Variants in SGIP1 observed in about 807,000 individuals in gnomAD.
The protein encoded by SGIP1 is SH3-containing GRB2-like protein 3-interacting protein 1.
SGIP1 carries 38 observed loss-of-function variants against 107.5 expected under a neutral mutation model. The ratio of observed to expected loss-of-function variants is 0.35; its 90% CI spans 0.27 to 0.46. The LOEUF (loss-of-function observed/expected upper bound fraction) is 0.46. Ranked by LOEUF, SGIP1 falls within the 20% of genes least tolerant of loss-of-function variation. The pLI, the probability that SGIP1 is intolerant of heterozygous loss-of-function variation, is 1.00. For missense variants in SGIP1, 929 were observed against 1,019.5 expected, an observed-to-expected ratio of 0.91 and a Z score of 1.21; for synonymous variants, 365 against 366.1, an observed-to-expected ratio of 1.00 and a Z score of 0.03.
In SGIP1 at chr1:66,589,194, A is replaced by ATGTG. The variant is rs1227066875; in HGVS notation, c.11-36652_11-36651insGTGT. 2.7e-4 allele frequency among the ~76,000 whole-genome samples: 18 copies of ATGTG among 66,464 alleles called. 1 individual carries two copies. The highest frequency in any genetic ancestry group is 9.4e-4 in the African/African-American group (18 of 19,222). The allele number at this position is 66,464 out of a possible 152,430, so 43.6% of individuals were successfully genotyped here. ...TATATATATATATATATATATATATATATATATATATATATATATATATGT... is the reference window on the plus strand; with the variant it reads ...TATATATATATATATATATATATATATGTGTATATATATATATATATATATATGT... On this transcript the variant is annotated intron_variant, in intron 1 of 24. Transcript: ENST00000371037.
At chr1:66,700,097 G>A (rs766546803) in intron 18 of SGIP1, among the ~76,000 whole-genome samples, 4 of 152,226 alleles carry the variant, frequency 2.6e-5, no homozygotes, top group South Asian at 4.2e-4. Context: ...GTGGTGGAGC[G>A]CAGTGGCTCA....
At chr1:66,727,397 C>T (rs1435550582) in intron 19 of SGIP1, among the ~76,000 whole-genome samples, 14 of 152,214 alleles carry the variant, frequency 9.2e-5, no homozygotes, top group Non-Finnish European at 7.3e-5. Flanking sequence ...ATGATCAGTT[C>T]TACCAAGTGT....
intron 1 of SGIP1, among the ~76,000 whole-genome samples, chr1:66,609,562 T>G (rs886664561): frequency 2.0e-5 from 3 of 152,182 alleles, no homozygotes; most frequent in Non-Finnish European, 4.4e-5. Flanking sequence ...AGTAAGGAGT[T>G]CTGTGTTCTG....
chr1:66,620,442 C>T (rs1570716581), intron 1 of SGIP1, among the ~76,000 whole-genome samples: 1 of 152,118 alleles, frequency 6.6e-6, no homozygotes, highest in African/African-American at 2.4e-5. Flanking sequence ...TTAATTGACT[C>T]ACAGTTCCAC....
intron 19 of SGIP1, among the ~76,000 whole-genome samples, chr1:66,727,973 T>C (rs2093834527): frequency 6.6e-6 from 1 of 152,304 alleles, no homozygotes; most frequent in South Asian, 2.1e-4. Context: ...TTACATCATA[T>C]AATCTCATGG....
chr1:66,651,456 A>G (rs988626312), intron 7 of SGIP1, among the ~76,000 whole-genome samples: 3 of 152,190 alleles, frequency 2.0e-5, no homozygotes, highest in African/African-American at 7.2e-5. Context: ...CCACTATATT[A>G]CACTAGTTTT....
chr1:66,684,087 TTA>T, intron 15 of SGIP1: 1 of 1,550,344 alleles, frequency 6.5e-7, no homozygotes, highest in Non-Finnish European at 8.7e-7. Flanking sequence ...GTAGATACTG[TTA>T]TCTTTCCCTT....
In SGIP1 at chr1:66,729,249, G is replaced by A. The variant is rs1572341900; in HGVS notation, c.1743-15G>A. ...GATTTTCTCTCTCTTTCCTCTCTGT[G>A]TTTTGATATGCCAGATGTATCGTTA... On this transcript the variant is annotated splice_polypyrimidine_tract_variant and intron_variant, in intron 19 of 24. Coordinates refer to ENST00000371037, the MANE Select transcript of SGIP1 (RefSeq NM_032291.4). The A allele has an allele frequency of 6.2e-7, 1 of 1,613,510 alleles. No individual in the cohort carries two copies. The highest frequency in any genetic ancestry group is 2.2e-5 in the East Asian group (1 of 44,874).
At chr1:66,684,253 T>A (rs2087636267) in intron 15 of SGIP1, 1 of 1,547,524 alleles carries the variant, frequency 6.5e-7, no homozygotes, top group Non-Finnish European at 8.7e-7. Flanking sequence ...TAAGGTTTGG[T>A]CATAAATATT....
At chr1:66,579,724 C>G (rs530053913) in intron 1 of SGIP1, among the ~76,000 whole-genome samples, 1 of 152,126 alleles carries the variant, frequency 6.6e-6, no homozygotes, top group Non-Finnish European at 1.5e-5. Flanking sequence ...ATCACCTTTC[C>G]TAACTTTATA....
chr1:66,736,762 T>C (rs1046886829), intron 21 of SGIP1, among the ~76,000 whole-genome samples: 1 of 151,766 alleles, frequency 6.6e-6, no homozygotes, highest in Non-Finnish European at 1.5e-5. Context: ...TTTAATTGGT[T>C]TAGAATGCCA....
At chr1:66,636,388 T>C (rs971525980) in intron 4 of SGIP1, among the ~76,000 whole-genome samples, 1 of 152,226 alleles carries the variant, frequency 6.6e-6, no homozygotes, top group African/African-American at 2.4e-5. Context: ...ACTGTCTCAA[T>C]AACATCAGGA....
Position 66,739,638 on chromosome 1 carries a change from C to T in SGIP1, c.2234+101C>T, listed in dbSNP as rs1048851937. ...TCCTGTAGGAGGAGATGACAGCAGG[C>T]CTGTGCATTAGGGTTCAGGGCAGGA... On this transcript the variant is annotated intron_variant, in intron 22 of 24. Coordinates refer to ENST00000371037, the MANE Select transcript of SGIP1 (RefSeq NM_032291.4). 1.0e-5 allele frequency: 13 copies of T among 1,249,894 alleles called. No homozygotes were observed. The African/African-American group carries it at 1.6e-4, about 16-fold the overall frequency. 77.4% of individuals were successfully genotyped at this position (1,249,894 alleles called of 1,614,324 possible).
At chr1:66,598,034 TCTC>T (rs1164561903) in intron 1 of SGIP1, among the ~76,000 whole-genome samples, 1 of 152,000 alleles carries the variant, frequency 6.6e-6, no homozygotes, top group African/African-American at 2.4e-5. Flanking sequence ...AAAAATGAGT[TCTC>T]CTGGGCAAGT....
At chr1:66,638,008 A>T (rs1242719641) in intron 4 of SGIP1, among the ~76,000 whole-genome samples, 1 of 151,870 alleles carries the variant, frequency 6.6e-6, no homozygotes, top group African/African-American at 2.4e-5. Flanking sequence ...AATTTATCTA[A>T]TCTGTGGTTT....
chr1:66,699,655 C>A (rs980055599), intron 18 of SGIP1, among the ~76,000 whole-genome samples: 1 of 152,172 alleles, frequency 6.6e-6, no homozygotes, highest in Non-Finnish European at 1.5e-5. Context: ...AAGCAATATT[C>A]TTTCATTCAA....
Position 66,679,751 on chromosome 1 carries a change from A to G in SGIP1, c.813A>G (p.Pro271=). ...PRTGSPLTIG[P]GNDQSATEVK... ...CAGGATCCCCCTTAACAATTGGACC[A>G]GGTACGCTTTTGTTTTTTCAGTTCT... Residue 271 remains proline (P), a splice_region_variant and synonymous_variant, in exon 14 of 25, where the codon CCA becomes CCG. Coordinates refer to ENST00000371037, the MANE Select transcript of SGIP1 (RefSeq NM_032291.4). 6.3e-7 allele frequency: 1 copy of G among 1,591,926 alleles called. No homozygotes were observed. Among genetic ancestry groups the G allele is most frequent in the Non-Finnish European group, 8.5e-7 (1 of 1,174,344 alleles).
intron 1 of SGIP1, among the ~76,000 whole-genome samples, chr1:66,555,251 T>A (rs1330818226): frequency 1.3e-5 from 2 of 152,276 alleles, no homozygotes; most frequent in African/African-American, 2.4e-5. Context: ...CTTGCTCACA[T>A]CTGAAACCTC....
intron 7 of SGIP1, among the ~76,000 whole-genome samples, chr1:66,655,219 T>A (rs1571311120): frequency 6.6e-6 from 1 of 151,660 alleles, no homozygotes; most frequent in African/African-American, 2.4e-5. Flanking sequence ...GATTCCCCCA[T>A]CCCTAGACTA....
Sources: allele counts gnomAD v4.1 joint callset (sites outside exome capture counted in the v4.1 genomes callset), GRCh38; gene constraint gnomAD v4.1.1; transcripts MANE v1.5; gene names NCBI Gene and HGNC (gene_info 2026-07-23, HGNC 2026-07-21).